Variants in PIK3R4 observed in about 807,000 individuals in gnomAD.
The protein encoded by PIK3R4 is phosphoinositide 3-kinase regulatory subunit 4.
In PIK3R4, 46 loss-of-function variants were observed where a neutral mutation model predicts 136.5. That is an observed-to-expected ratio of 0.34 (90% confidence interval 0.27 to 0.43). The LOEUF (loss-of-function observed/expected upper bound fraction) is 0.43, where lower values mean the gene tolerates loss of function less well. PIK3R4 is among the 20% of genes least tolerant of loss of function. The pLI is 1.00. For missense variants in PIK3R4, 1,331 were observed against 1,649.5 expected, an observed-to-expected ratio of 0.81 and a Z score of 3.35; for synonymous variants, 557 against 566.7, an observed-to-expected ratio of 0.98 and a Z score of 0.24.
At position 130,733,919 on chromosome 3, in the gene PIK3R4, T is replaced by A. The variant is rs371832458; in HGVS notation, c.1079A>T (p.His360Leu). ...TCCTTCGGCTTTTTCTGGCAGATCA[T>A]GTCCACAGAGATTGTGAATAATGTT... ...LGNIIHNLCG[H>L]DLPEKAEGEP... Residue 360 changes from histidine (H) to leucine (L), a missense_variant, in exon 4 of 20, where the codon CAT (histidine) becomes CTT (leucine). Physicochemically the swap from His to Leu is moderately conservative, Grantham distance 99. This residue lies in a region of PIK3R4 where 1,180 missense variants were observed against 1,407.0 expected (regional missense o/e 0.84). Coordinates refer to ENST00000356763, the MANE Select transcript of PIK3R4 (RefSeq NM_014602.3). 33 of 1,614,046 alleles carry A rather than the reference T, an allele frequency of 2.0e-5. No homozygotes were observed. Among genetic ancestry groups the A allele is most frequent in the Admixed American group, 6.7e-5 (4 of 60,008 alleles).
At position 130,703,859 on chromosome 3, in the gene PIK3R4, G is replaced by A; in HGVS notation, c.2962C>T (p.His988Tyr). ...GWRPKGLLVAHLHEHKSAVNR... is the reference protein window; with the variant it reads ...GWRPKGLLVAYLHEHKSAVNR... ...ACAGCAGATTTATGCTCATGAAGAT[G>A]GGCAACTAACAGCCCTTTAGGACGC... Residue 988 changes from histidine to tyrosine, a missense_variant, in exon 13 of 20, where the codon CAT becomes TAT. Physicochemically the swap from His to Tyr is moderately conservative, Grantham distance 83 (BLOSUM62 2). Coordinates refer to ENST00000356763, the MANE Select transcript of PIK3R4 (RefSeq NM_014602.3). 6.2e-7 allele frequency: 1 copy of A among 1,612,350 alleles called. No homozygotes were observed.
Position 130,681,633 on chromosome 3 carries a change from A to AGTT in PIK3R4, c.3608-45_3608-43dup, listed in dbSNP as rs1419219718. 7 of 1,225,582 alleles carry AGTT rather than the reference A, an allele frequency of 5.7e-6. No homozygotes were observed. In the African/African-American group the frequency reaches 7.5e-5, roughly 13 times the overall value. 75.9% of individuals were successfully genotyped at this position (1,225,582 alleles called of 1,614,324 possible). The stretch of plus-strand genomic sequence containing the variant: ...CCAGAATCTTGACTCAGACAAAAAG[A>AGTT]GTTGGAGAAGATTACAACAAAACAA... On this transcript the variant is annotated intron_variant, in intron 16 of 19. Coordinates refer to ENST00000356763, the MANE Select transcript of PIK3R4 (RefSeq NM_014602.3).
At chr3:130,712,624 C>T (rs1381102887) in intron 9 of PIK3R4, among the ~76,000 whole-genome samples, 1 of 151,648 alleles carries the variant, frequency 6.6e-6, no homozygotes, top group East Asian at 1.9e-4. Context: ...GCCGAGATCA[C>T]ACCATTGCAT....
rs114685066 is a variant in PIK3R4 at position 130,744,143 on chromosome 3, C to T, written c.733+343G>A. ...ATCACCACCACAGCAATCAACACCG[C>T]ATTGAAATGTCCTTTTGCAATATCC... On this transcript the variant is annotated intron_variant, in intron 2 of 19. Coordinates refer to ENST00000356763, the MANE Select transcript of PIK3R4 (RefSeq NM_014602.3). Among the ~76,000 whole-genome samples the T allele has an allele frequency of 3.4e-3, 521 of 152,318 alleles. 3 individuals are homozygous for T. Among genetic ancestry groups the T allele is most frequent in the African/African-American group, 0.012 (500 of 41,564 alleles).
rs56160735 is a variant in PIK3R4, at chr3:130,690,625, C to T, written c.3128G>A (p.Gly1043Glu). Residue 1043 changes from glycine to glutamate, a missense_variant, in exon 14 of 20, where the codon GGA (glycine) becomes GAA (glutamate). Transcript: ENST00000356763. ...GCAGAATGTGAGCGTCTTGACTCGT[C>T]CTCCAATTCGGCTGTATGTAAGAAT... ...RSILTYSRIGGRVKTLTFCQG... is the reference protein window; with the variant it reads ...RSILTYSRIGERVKTLTFCQG... 1 of 1,610,136 alleles carries T rather than the reference C, an allele frequency of 6.2e-7. No individual in the cohort carries two copies. Among genetic ancestry groups the T allele is most frequent in the Non-Finnish European group, 8.5e-7 (1 of 1,177,244 alleles).
chr3:130,738,659 G>C (rs900993094), intron 2 of PIK3R4, among the ~76,000 whole-genome samples: 2 of 151,114 alleles, frequency 1.3e-5, no homozygotes, highest in African/African-American at 4.9e-5. Flanking sequence ...GGTAAGTACG[G>C]TATCTTATAT....
intron 2 of PIK3R4, among the ~76,000 whole-genome samples, chr3:130,740,456 G>A (rs148140785): frequency 6.6e-6 from 1 of 152,106 alleles, no homozygotes; most frequent in African/African-American, 2.4e-5. Flanking sequence ...AACACTGAAG[G>A]CCGGGCACAG....
chr3:130,717,345 G>C (rs2066671257), intron 8 of PIK3R4, among the ~76,000 whole-genome samples: 1 of 151,844 alleles, frequency 6.6e-6, no homozygotes, highest in African/African-American at 2.4e-5. Context: ...TCTGATCCTG[G>C]CCTTTCAAAA....
At chr3:130,705,150 G>A (rs565613838) in intron 12 of PIK3R4, among the ~76,000 whole-genome samples, 40 of 152,164 alleles carry the variant, frequency 2.6e-4, no homozygotes, top group African/African-American at 9.1e-4. Context: ...TTTAAAAAAA[G>A]TACTCATCAT....
At position 130,735,949 on chromosome 3, in the gene PIK3R4, G is replaced by C; in HGVS notation, c.787C>G (p.Gln263Glu). The change falls in exon 3 of 20, where the codon CAA becomes GAA. Residue 263 changes from glutamine to glutamate, a missense_variant. Transcript: ENST00000356763. ...TEGVPLFDLS[Q>E]LLAYRNGHFF... The stretch of plus-strand genomic sequence containing the variant: ...TGTCCATTTCTATAAGCCAAAAGTT[G>C]AGAGAGATCAAATAATGGTACACCT... 2 of 1,612,034 alleles carry C rather than the reference G, an allele frequency of 1.2e-6. No homozygotes were observed. The highest frequency in any genetic ancestry group is 1.1e-5 in the South Asian group (1 of 90,960).
At chr3:130,704,535 ATATC>A (rs1056755801) in intron 12 of PIK3R4, among the ~76,000 whole-genome samples, 1 of 152,192 alleles carries the variant, frequency 6.6e-6, no homozygotes, top group African/African-American at 2.4e-5. Flanking sequence ...TGATTTGTAA[ATATC>A]TATATATAAG....
rs75816083 is a variant in PIK3R4, at chr3:130,691,005, G to C, written c.3099-351C>G. Among the ~76,000 whole-genome samples, 159 of 150,780 alleles carry C rather than the reference G, an allele frequency of 1.1e-3. 5 individuals carry two copies. The East Asian group carries it at 0.025, about 24-fold the overall frequency. Reference sequence around the variant, plus strand: ...TGCAGCCTCGACCTCCTGGGCTCAAGTGATCCTCCCACCTCAGCTACCCTG... The same window carrying C: ...TGCAGCCTCGACCTCCTGGGCTCAACTGATCCTCCCACCTCAGCTACCCTG... On this transcript the variant is annotated intron_variant, in intron 13 of 19. Coordinates refer to ENST00000356763, the MANE Select transcript of PIK3R4 (RefSeq NM_014602.3).
At position 130,728,562 on chromosome 3, in the gene PIK3R4, G is replaced by T; in HGVS notation, c.1708C>A (p.Arg570Ser). The T allele has an allele frequency of 6.2e-7, 1 of 1,613,230 alleles. No individual in the cohort carries two copies. Among genetic ancestry groups the T allele is most frequent in the Non-Finnish European group, 8.5e-7 (1 of 1,179,614 alleles). The change falls in exon 6 of 20, where the codon CGT (arginine) becomes AGT (serine). Residue 570 changes from arginine (R) to serine (S), a missense_variant. This residue lies in a region of PIK3R4 where 1,180 missense variants were observed against 1,407.0 expected (regional missense o/e 0.84). Transcript: ENST00000356763. ...AACAAAACATCGTTGGCTTTCTGAC[G>T]TCCAAAGAATACACACAGCCGTGTT... The part of the protein sequence containing the change: ...GITRLCVFFG[R>S]QKANDVLLSH...
intron 18 of PIK3R4, 78 bp from the exon 19 acceptor site, chr3:130,680,799 A>C: frequency 1.1e-6 from 1 of 931,226 alleles, no homozygotes; most frequent in Non-Finnish European, 1.7e-6. Flanking sequence ...TATCTTCATC[A>C]ATGCATTTTT....
intron 13 of PIK3R4, among the ~76,000 whole-genome samples, chr3:130,691,843 A>G (rs1428041860): frequency 1.4e-5 from 2 of 141,160 alleles, no homozygotes; most frequent in Admixed American, 1.4e-4. Flanking sequence ...AATATTTCAT[A>G]TATTTTATCA....
intron 14 of PIK3R4, among the ~76,000 whole-genome samples, chr3:130,686,790 T>C (rs1055659812): frequency 2.0e-5 from 3 of 152,232 alleles, no homozygotes; most frequent in Non-Finnish European, 4.4e-5. Context: ...TCCAGGATAA[T>C]ACAGGGCAAT....
chr3:130,686,817 T>C (rs2066493517), intron 14 of PIK3R4, among the ~76,000 whole-genome samples: 1 of 152,318 alleles, frequency 6.6e-6, no homozygotes, highest in Non-Finnish European at 1.5e-5. Flanking sequence ...TTTCTTCCAA[T>C]CTGTGACAGT....
chr3:130,733,942 G>A lies in PIK3R4; in HGVS notation c.1056C>T (p.Asn352=). 1 of 1,614,120 alleles carries A rather than the reference G, an allele frequency of 6.2e-7. No homozygotes were observed. Residue 352 remains asparagine (N), a synonymous_variant, in exon 4 of 20, where the codon AAC becomes AAT. Transcript: ENST00000356763. The part of the protein sequence containing the change: ...RILVIRKDLG[N]IIHNLCGHDL... ...CATGTCCACAGAGATTGTGAATAATGTTGCCCAAATCCTTCCGTATAACCA... is the reference window on the plus strand; with the variant it reads ...CATGTCCACAGAGATTGTGAATAATATTGCCCAAATCCTTCCGTATAACCA...
chr3:130,715,083 A>ATTT (rs1409228842), intron 9 of PIK3R4, among the ~76,000 whole-genome samples: 7 of 135,978 alleles, frequency 5.1e-5, no homozygotes, highest in Non-Finnish European at 9.5e-5. Context: ...AAGTATTCCT[A>ATTT]TTTCTCCACA....
Sources: gnomAD v4.1 joint callset for allele counts (sites outside exome capture counted in the v4.1 genomes callset) on GRCh38, gnomAD v4.1.1 for gene constraint, gnomAD v4.1.1 regional missense constraint, MANE v1.5 for transcripts, NCBI Gene and HGNC (gene_info 2026-07-23, HGNC 2026-07-21) for gene names.